GULP1: variants seen among roughly 807,000 people sequenced by gnomAD.
The protein encoded by GULP1 is GULP PTB domain containing engulfment adaptor 1.
In GULP1, 19 loss-of-function variants were observed where a neutral mutation model predicts 40.9. The ratio of observed to expected loss-of-function variants is 0.46; its 90% CI spans 0.32 to 0.68. The LOEUF is 0.68. Among genes scored for constraint, GULP1 ranks in the 30% least tolerant of loss-of-function variants. GULP1 has a pLI of 0.03. For synonymous variants in GULP1, 119 were observed against 117.6 expected (o/e 1.01, Z -0.08); for missense variants, 312 against 362.2 (o/e 0.86, Z 1.12).
At chr2:188,323,648 A>ATG (rs1491377863) in intron 1 of GULP1, among the ~76,000 whole-genome samples, 1 of 60,884 alleles carries the variant, frequency 1.6e-5, no homozygotes, top group African/African-American at 6.8e-5. Flanking sequence ...ATATCTGAAG[A>ATG]TATGTGTGTG....
intron 1 of GULP1, among the ~76,000 whole-genome samples, chr2:188,338,570 T>A (rs2152120940): frequency 6.6e-6 from 1 of 152,194 alleles, no homozygotes; most frequent in South Asian, 2.1e-4. Context: ...CCTTCCAAAG[T>A]GCTGGGATTA....
intron 6 of GULP1, among the ~76,000 whole-genome samples, chr2:188,537,443 A>G (rs1689236815): frequency 6.6e-6 from 1 of 152,076 alleles, no homozygotes; most frequent in Non-Finnish European, 1.5e-5. Context: ...TGATATGATC[A>G]TATGGTTTTT....
chr2:188,561,740 C>T (rs948313780), intron 7 of GULP1, among the ~76,000 whole-genome samples: 2 of 152,284 alleles, frequency 1.3e-5, no homozygotes, highest in Admixed American at 6.5e-5. Flanking sequence ...CAGAGGTTGG[C>T]GTTGGCCTTG....
chr2:188,302,453 C>T (rs544717327), intron 1 of GULP1, among the ~76,000 whole-genome samples: 2 of 151,980 alleles, frequency 1.3e-5, no homozygotes, highest in Non-Finnish European at 2.9e-5. Context: ...AATATTGAAG[C>T]AATTTCAGTG....
chr2:188,404,552 G>C (rs1432855430), intron 2 of GULP1, among the ~76,000 whole-genome samples: 1 of 152,154 alleles, frequency 6.6e-6, no homozygotes, highest in Non-Finnish European at 1.5e-5. Context: ...TCAGACTCCA[G>C]GTTGGAATCT....
chr2:188,310,304 G>A (rs1355665407), intron 1 of GULP1, among the ~76,000 whole-genome samples: 1 of 152,134 alleles, frequency 6.6e-6, no homozygotes, highest in Non-Finnish European at 1.5e-5. Context: ...AGTAATATAA[G>A]TAAATTGGAA....
intron 1 of GULP1, among the ~76,000 whole-genome samples, chr2:188,319,225 A>G (rs1401866274): frequency 6.6e-6 from 1 of 152,144 alleles, no homozygotes; most frequent in Admixed American, 6.6e-5. Flanking sequence ...TGTAAAAATA[A>G]AAGTTTTTAC....
chr2:188,452,722 G>T (rs974365264), intron 2 of GULP1, among the ~76,000 whole-genome samples: 11 of 152,032 alleles, frequency 7.2e-5, no homozygotes, highest in Admixed American at 5.2e-4. Flanking sequence ...GTCATTTTGG[G>T]GTACTACATG....
intron 3 of GULP1, among the ~76,000 whole-genome samples, chr2:188,478,047 C>T (rs975082772): frequency 3.9e-5 from 6 of 151,926 alleles, no homozygotes; most frequent in African/African-American, 1.5e-4. Flanking sequence ...CTTATGTAGC[C>T]ATATAATACT....
At chr2:188,430,152 G>A (rs1214489138) in intron 2 of GULP1, among the ~76,000 whole-genome samples, 1 of 152,148 alleles carries the variant, frequency 6.6e-6, no homozygotes, top group Non-Finnish European at 1.5e-5. Context: ...CAAAACATTT[G>A]ATTAAAACAG....
intron 2 of GULP1, among the ~76,000 whole-genome samples, chr2:188,412,114 C>G (rs2053971264): frequency 1.3e-5 from 2 of 152,064 alleles, no homozygotes; most frequent in Non-Finnish European, 2.9e-5. Flanking sequence ...GTTCACAATT[C>G]CGCTGAGCTG....
chr2:188,494,573 A>C (rs2153110009), intron 4 of GULP1, among the ~76,000 whole-genome samples: 1 of 152,002 alleles, frequency 6.6e-6, no homozygotes, highest in Non-Finnish European at 1.5e-5. Flanking sequence ...TCACACACAG[A>C]CCCGTACAGT....
At chr2:188,477,967 G>A (rs73040496) in intron 3 of GULP1, among the ~76,000 whole-genome samples, 5,017 of 152,074 alleles carry the variant, frequency 0.033, 275 homozygotes, top group African/African-American at 0.11. Context: ...ATAATATGTC[G>A]CCTGGCAACT....
At chr2:188,503,447 A>T (rs1269437248) in intron 4 of GULP1, among the ~76,000 whole-genome samples, 1 of 151,640 alleles carries the variant, frequency 6.6e-6, no homozygotes, top group East Asian at 2.0e-4. Context: ...AAACTGCCAA[A>T]CCATCAGATC....
chr2:188,565,719 C>G (rs1456005873), intron 7 of GULP1, among the ~76,000 whole-genome samples: 1 of 151,954 alleles, frequency 6.6e-6, no homozygotes, highest in Non-Finnish European at 1.5e-5. Flanking sequence ...ACAAAAAGAT[C>G]TTAGAAGAAT....
chr2:188,368,939 G>GTATACATATATA (rs2047199561), intron 1 of GULP1, among the ~76,000 whole-genome samples: 1 of 86,088 alleles, frequency 1.2e-5, no homozygotes, highest in African/African-American at 4.1e-5. Flanking sequence ...ATATATGTGT[G>GTATACATATATA]TATATATATA....
chr2:188,481,637 G>A (rs1365117581), intron 3 of GULP1, among the ~76,000 whole-genome samples: 1 of 151,812 alleles, frequency 6.6e-6, no homozygotes, highest in African/African-American at 2.4e-5. Flanking sequence ...AGTAATAGTG[G>A]TTTATAGGAG....
chr2:188,507,588 A>C (rs1358846663), intron 4 of GULP1, among the ~76,000 whole-genome samples: 1 of 151,900 alleles, frequency 6.6e-6, no homozygotes, highest in East Asian at 1.9e-4. Context: ...CATCACTTTG[A>C]ATGAAAACAA....
intron 7 of GULP1, among the ~76,000 whole-genome samples, chr2:188,554,507 A>G (rs1311848161): frequency 6.6e-6 from 1 of 151,570 alleles, no homozygotes; most frequent in Non-Finnish European, 1.5e-5. Context: ...AGGGGATAGT[A>G]GAAATTATTA....
Sources: allele counts gnomAD v4.1 joint callset (sites outside exome capture counted in the v4.1 genomes callset), GRCh38; gene constraint gnomAD v4.1.1; transcripts MANE v1.5; gene names NCBI Gene and HGNC (gene_info 2026-07-23, HGNC 2026-07-21).